The following UBE2R2 variants were observed in gnomAD, a reference collection of about 807,000 sequenced individuals.
The protein encoded by UBE2R2 is ubiquitin conjugating enzyme E2 R2.
In UBE2R2, 1 loss-of-function variant was observed where a neutral mutation model predicts 27.8. The observed-to-expected ratio is 0.04, with a 90% CI of 0.01 to 0.17. The LOEUF (loss-of-function observed/expected upper bound fraction) is 0.17, where lower values mean the gene tolerates loss of function less well. Ranked by LOEUF, UBE2R2 falls within the 10% of genes least tolerant of loss-of-function variation. The probability of loss-of-function intolerance (pLI) is 1.00; values close to 1 mark genes in which losing one functional copy is unlikely to be tolerated. For synonymous variants in UBE2R2, 106 were observed against 113.3 expected, an observed-to-expected ratio of 0.94 and a Z score of 0.41; for missense variants, 100 against 291.0, an observed-to-expected ratio of 0.34 and a Z score of 4.78.
At chr9:33,861,847 C>CTTTTTT (rs775634986) in intron 1 of UBE2R2, among the ~76,000 whole-genome samples, 68 of 95,382 alleles carry the variant, frequency 7.1e-4, no homozygotes, top group Non-Finnish European at 1.1e-3. Flanking sequence ...GATCCACTTT[C>CTTTTTT]TTTTTTTTTT....
At chr9:33,878,464 A>C (rs1470004261) in intron 1 of UBE2R2, among the ~76,000 whole-genome samples, 1 of 152,112 alleles carries the variant, frequency 6.6e-6, no homozygotes, top group Non-Finnish European at 1.5e-5. Flanking sequence ...AAATTAAATG[A>C]AAAATTAGCC....
rs777392325 is a variant in UBE2R2 at position 33,866,242 on chromosome 9, CT to C, written c.178-20625del. Among the ~76,000 whole-genome samples the C allele has an allele frequency of 3.3e-3, 479 of 144,644 alleles. 1 individual carries two copies. The highest frequency in any genetic ancestry group is 4.5e-3 in the Non-Finnish European group (295 of 65,458). 94.9% of individuals were successfully genotyped at this position (144,644 alleles called of 152,430 possible). On this transcript the variant is annotated intron_variant, in intron 1 of 4. Transcript: ENST00000263228. ...TCATACTTAACTGAAATGTAATTAA[CT>C]TTTTTTTTTTTTTGAGACAGAGTCT...
chr9:33,881,868 G>A (rs1364738877), intron 1 of UBE2R2, among the ~76,000 whole-genome samples: 10 of 152,202 alleles, frequency 6.6e-5, no homozygotes, highest in Non-Finnish European at 4.4e-5. Flanking sequence ...TTTATTGTTA[G>A]AAAGTGAGTC....
At chr9:33,856,233 GTCCTC>G (rs1025622194) in intron 1 of UBE2R2, among the ~76,000 whole-genome samples, 47 of 152,222 alleles carry the variant, frequency 3.1e-4, no homozygotes, top group African/African-American at 1.1e-3. Context: ...CTCCCGGTCA[GTCCTC>G]AGCAAAGCAT....
intron 1 of UBE2R2, among the ~76,000 whole-genome samples, chr9:33,867,432 T>A (rs918947722): frequency 2.6e-5 from 4 of 152,202 alleles, no homozygotes; most frequent in African/African-American, 9.6e-5. Context: ...AAAATATTTA[T>A]TAAGGAGTGG....
rs1453756098 is a variant in UBE2R2, at chr9:33,918,507, G to GATCT, written c.*1271_*1274dup. The GATCT allele has an allele frequency of 6.6e-6, 1 of 152,068 alleles. No homozygotes were observed. Among genetic ancestry groups the GATCT allele is most frequent in the African/African-American group, 2.4e-5 (1 of 41,402 alleles). 9.4% of individuals were successfully genotyped at this position (152,068 alleles called of 1,614,324 possible). Reference sequence around the variant, plus strand: ...GCAGTTTTTAGGCCAGATAAGGCTAGATCTTCCTGCAATGCACTTGCTGCA... The same window carrying GATCT: ...GCAGTTTTTAGGCCAGATAAGGCTAGATCTATCTTCCTGCAATGCACTTGCTGCA... On this transcript the variant is annotated 3_prime_UTR_variant, in exon 5 of 5. Coordinates refer to ENST00000263228, the MANE Select transcript of UBE2R2 (RefSeq NM_017811.4).
rs906555483 is a variant in UBE2R2 at position 33,911,829 on chromosome 9, CTTAAA to C, written c.363-132_363-128del. 3 of 812,672 alleles carry C rather than the reference CTTAAA, an allele frequency of 3.7e-6. 1 individual carries two copies. The Admixed American group carries it at 1.2e-4, about 32-fold the overall frequency. 50.3% of individuals were successfully genotyped at this position (812,672 alleles called of 1,614,324 possible). On this transcript the variant is annotated intron_variant, in intron 3 of 4. Transcript: ENST00000263228. ...ATTTATATCTCTATTCCCCCAAGGT[CTTAAA>C]TTTAATTGTATCAGAAAAATTTTAA...
At chr9:33,899,207 T>C (rs1822190187) in intron 2 of UBE2R2, among the ~76,000 whole-genome samples, 1 of 152,162 alleles carries the variant, frequency 6.6e-6, no homozygotes, top group Non-Finnish European at 1.5e-5. Context: ...TGATTTATTA[T>C]GTTTGTCTTT....
At chr9:33,908,229 A>G (rs1432220135) in intron 3 of UBE2R2, among the ~76,000 whole-genome samples, 1 of 152,234 alleles carries the variant, frequency 6.6e-6, no homozygotes, top group Non-Finnish European at 1.5e-5. Flanking sequence ...TGAGGAGACC[A>G]ATGCTGTCAG....
Position 33,848,880 on chromosome 9 carries a change from A to G in UBE2R2, c.177+30946A>G, listed in dbSNP as rs571850206. Among the ~76,000 whole-genome samples the G allele has an allele frequency of 4.6e-5, 7 of 152,150 alleles. 1 individual carries two copies. Among genetic ancestry groups the G allele is most frequent in the Admixed American group, 3.3e-4 (5 of 15,278 alleles). Reference sequence around the variant, plus strand: ...TGGCCTCCCAAAGTGCTGGGATTACATGCATGAGCTACCACACCCGCCGAG... The same window carrying G: ...TGGCCTCCCAAAGTGCTGGGATTACGTGCATGAGCTACCACACCCGCCGAG... On this transcript the variant is annotated intron_variant, in intron 1 of 4. Coordinates refer to ENST00000263228, the MANE Select transcript of UBE2R2 (RefSeq NM_017811.4).
chr9:33,889,209 A>G (rs1323556311), intron 2 of UBE2R2, among the ~76,000 whole-genome samples: 1 of 152,116 alleles, frequency 6.6e-6, no homozygotes, highest in Non-Finnish European at 1.5e-5. Context: ...CTTAGACTGG[A>G]TAATATATTA....
At chr9:33,835,145 GTTTTT>G (rs3060448) in intron 1 of UBE2R2, among the ~76,000 whole-genome samples, 1 of 112,110 alleles carries the variant, frequency 8.9e-6, no homozygotes. Flanking sequence ...CTAAGTGTAG[GTTTTT>G]TTTTTTTTTT....
intron 1 of UBE2R2, among the ~76,000 whole-genome samples, chr9:33,881,985 C>G (rs1821739663): frequency 6.6e-6 from 1 of 152,166 alleles, no homozygotes; most frequent in African/African-American, 2.4e-5. Context: ...CCCTTCTCCA[C>G]CAGTATTTTT....
At chr9:33,884,198 A>ATCTCTCCCTCTCTCTCTCTCTCTCTC (rs1821798420) in intron 1 of UBE2R2, among the ~76,000 whole-genome samples, 1 of 63,442 alleles carries the variant, frequency 1.6e-5, no homozygotes, top group Admixed American at 2.2e-4. Context: ...CAACTTAAGA[A>ATCTCTCCCTCTCTCTCTCTCTCTCTC]TCTCTCTCTC....
chr9:33,865,752 ATGTAG>A (rs1414661655), intron 1 of UBE2R2, among the ~76,000 whole-genome samples: 1 of 151,392 alleles, frequency 6.6e-6, no homozygotes, highest in Non-Finnish European at 1.5e-5. Flanking sequence ...TTTCTTTCAC[ATGTAG>A]TGTAGTGTTT....
At chr9:33,835,698 A>T (rs1265978945) in intron 1 of UBE2R2, among the ~76,000 whole-genome samples, 1 of 151,664 alleles carries the variant, frequency 6.6e-6, no homozygotes, top group Admixed American at 6.6e-5. Flanking sequence ...CCTGGGTGAC[A>T]TAGGGAGATC....
intron 1 of UBE2R2, among the ~76,000 whole-genome samples, chr9:33,880,860 T>C (rs1054715554): frequency 6.6e-6 from 1 of 152,156 alleles, no homozygotes; most frequent in African/African-American, 2.4e-5. Context: ...TAATGCCTGA[T>C]GACTTGAGGT....
intron 1 of UBE2R2, among the ~76,000 whole-genome samples, chr9:33,886,175 A>G (rs940666685): frequency 6.6e-6 from 1 of 152,228 alleles, no homozygotes; most frequent in Non-Finnish European, 1.5e-5. Flanking sequence ...TGGGTGATAG[A>G]ATGACAGTTA....
At chr9:33,836,151 G>T (rs1022387110) in intron 1 of UBE2R2, among the ~76,000 whole-genome samples, 4 of 151,860 alleles carry the variant, frequency 2.6e-5, no homozygotes, top group African/African-American at 9.7e-5. Context: ...TAAAAATATA[G>T]AAAAATTAGC....
Sources: allele counts gnomAD v4.1 joint callset (sites outside exome capture counted in the v4.1 genomes callset), GRCh38; gene constraint gnomAD v4.1.1; transcripts MANE v1.5; gene names NCBI Gene and HGNC (gene_info 2026-07-23, HGNC 2026-07-21).